Variants in CYTH3 observed in about 807,000 individuals in gnomAD.
CYTH3 encodes the protein cytohesin-3.
In CYTH3, 23 loss-of-function variants were observed where a neutral mutation model predicts 55.1. The ratio of observed to expected loss-of-function variants is 0.42; its 90% CI spans 0.30 to 0.59. The LOEUF is 0.59. CYTH3 is among the 20% of genes least tolerant of loss of function. The pLI, the probability that CYTH3 is intolerant of heterozygous loss-of-function variation, is 0.20. For missense variants in CYTH3, 413 were observed against 524.8 expected, an observed-to-expected ratio of 0.79 and a Z score of 2.08; for synonymous variants, 249 against 194.9, an observed-to-expected ratio of 1.28 and a Z score of -2.31.
intron 1 of CYTH3, among the ~76,000 whole-genome samples, chr7:6,257,063 C>T (rs1780147233): frequency 6.6e-6 from 1 of 152,182 alleles, no homozygotes; most frequent in African/African-American, 2.4e-5. Flanking sequence ...CCTGTGATTC[C>T]CGAGAAAACG....
intron 4 of CYTH3, among the ~76,000 whole-genome samples, 164 bp from the exon 5 acceptor site, chr7:6,178,105 T>C (rs1783393978): frequency 6.6e-6 from 1 of 152,210 alleles, no homozygotes; most frequent in African/African-American, 2.4e-5. Flanking sequence ...AAATCCATAC[T>C]ACATTTTATC....
chr7:6,225,949 G>A (rs973190786), intron 1 of CYTH3, among the ~76,000 whole-genome samples: 17 of 152,108 alleles, frequency 1.1e-4, no homozygotes, highest in African/African-American at 4.1e-4. Context: ...GCCTTCCAAA[G>A]TGCTGGGATT....
At chr7:6,214,444 A>G (rs1784385422) in intron 1 of CYTH3, among the ~76,000 whole-genome samples, 2 of 152,220 alleles carry the variant, frequency 1.3e-5, no homozygotes, top group South Asian at 4.1e-4. Flanking sequence ...AAAAATTACT[A>G]CTTTTATTTT....
intron 1 of CYTH3, among the ~76,000 whole-genome samples, chr7:6,259,981 C>A (rs1780309704): frequency 6.8e-6 from 1 of 147,926 alleles, no homozygotes; most frequent in Non-Finnish European, 1.5e-5. Flanking sequence ...CAGGCATGCA[C>A]CACCACACCA....
At chr7:6,253,547 G>A (rs1477406861) in intron 1 of CYTH3, among the ~76,000 whole-genome samples, 2 of 152,068 alleles carry the variant, frequency 1.3e-5, no homozygotes, top group Non-Finnish European at 2.9e-5. Context: ...GCCGGGCACG[G>A]TGGCTCACGC....
chr7:6,258,219 G>C (rs1413236501), intron 1 of CYTH3, among the ~76,000 whole-genome samples: 6 of 151,758 alleles, frequency 4.0e-5, no homozygotes, highest in African/African-American at 1.2e-4. Context: ...AGGCTGAGGT[G>C]GGGGGATCAC....
chr7:6,193,575 G>C (rs1408452649), intron 1 of CYTH3, among the ~76,000 whole-genome samples: 2 of 152,188 alleles, frequency 1.3e-5, no homozygotes, highest in African/African-American at 2.4e-5. Flanking sequence ...CCACAGTGGC[G>C]TAGACCAAGT....
intron 1 of CYTH3, among the ~76,000 whole-genome samples, chr7:6,192,374 T>C (rs1562889140): frequency 2.0e-5 from 3 of 150,780 alleles, no homozygotes; most frequent in Non-Finnish European, 4.4e-5. Flanking sequence ...TGCGCCACCA[T>C]GTCTGGCTAA....
Position 6,247,071 on chromosome 7 carries a change from A to AT in CYTH3, c.34+25402dup, listed in dbSNP as rs760596861. Among the ~76,000 whole-genome samples, 17 of 152,372 alleles carry AT rather than the reference A, an allele frequency of 1.1e-4. No homozygotes were observed. The East Asian group carries it at 3.3e-3, about 29-fold the overall frequency. ...ACAGTAAGGAAAGGTACTGGCTCAC[A>AT]TAACTCCTAAGTCCAAAGGCAGGGT... On this transcript the variant is annotated intron_variant, in intron 1 of 12. Transcript: ENST00000350796.
At chr7:6,179,161 A>C (rs957470117) in intron 4 of CYTH3, among the ~76,000 whole-genome samples, 1 of 152,356 alleles carries the variant, frequency 6.6e-6, no homozygotes. Context: ...CGATCAGTAC[A>C]TTCTGGCATA....
chr7:6,226,039 C>A (rs1008141205), intron 1 of CYTH3, among the ~76,000 whole-genome samples: 3 of 152,176 alleles, frequency 2.0e-5, no homozygotes, highest in African/African-American at 7.2e-5. Context: ...CAAAGAGAAC[C>A]CAATGTGAAA....
intron 1 of CYTH3, among the ~76,000 whole-genome samples, chr7:6,236,778 G>C (rs1779535309): frequency 6.6e-6 from 1 of 151,892 alleles, no homozygotes; most frequent in Admixed American, 6.6e-5. Flanking sequence ...GGCTAGGCTG[G>C]TCTTGAACTC....
At chr7:6,166,755 C>T (rs1271558751) in intron 9 of CYTH3, among the ~76,000 whole-genome samples, 1 of 152,100 alleles carries the variant, frequency 6.6e-6, no homozygotes, top group African/African-American at 2.4e-5. Context: ...CTCTGCAGTC[C>T]CTCTGGGACC....
At chr7:6,178,365 G>C (rs1033160307) in intron 4 of CYTH3, among the ~76,000 whole-genome samples, 1 of 152,232 alleles carries the variant, frequency 6.6e-6, no homozygotes, top group Non-Finnish European at 1.5e-5. Flanking sequence ...GGGTGGTGCT[G>C]GTCCCCGCTC....
intron 9 of CYTH3, among the ~76,000 whole-genome samples, chr7:6,168,806 T>C (rs982680019): frequency 6.6e-5 from 10 of 152,230 alleles, no homozygotes; most frequent in African/African-American, 2.4e-4. Context: ...CTTTCCCTGG[T>C]GGCAGGGGTC....
At position 6,187,114 on chromosome 7, in the gene CYTH3, T is replaced by A. The variant is rs761618708; in HGVS notation, c.185A>T (p.Lys62Ile). 1 of 1,614,100 alleles carries A rather than the reference T, an allele frequency of 6.2e-7. No homozygotes were observed. The highest frequency in any genetic ancestry group is 8.5e-7 in the Non-Finnish European group (1 of 1,179,938). The part of the protein sequence containing the change: ...IDNLTSVEES[K>I]TTQRNKQIAM... ...TATCTGTTTGTTCCTCTGAGTCGTTTTGCTATTGGTGTGAAATAATTTAAA... is the reference window on the plus strand; with the variant it reads ...TATCTGTTTGTTCCTCTGAGTCGTTATGCTATTGGTGTGAAATAATTTAAA... Residue 62 changes from lysine to isoleucine, a missense_variant and splice_region_variant, in exon 4 of 13, where the codon AAA (lysine) becomes ATA (isoleucine). Coordinates refer to ENST00000350796, the MANE Select transcript of CYTH3 (RefSeq NM_004227.4).
At chr7:6,229,607 C>G (rs1779335313) in intron 1 of CYTH3, among the ~76,000 whole-genome samples, 1 of 143,850 alleles carries the variant, frequency 7.0e-6, no homozygotes, top group Non-Finnish European at 1.5e-5. Context: ...GTCAGGAGCT[C>G]AAGACCAGCC....
At chr7:6,185,151 A>G (rs374963908) in intron 4 of CYTH3, among the ~76,000 whole-genome samples, 2 of 152,170 alleles carry the variant, frequency 1.3e-5, no homozygotes, top group East Asian at 1.9e-4. Context: ...CACAAAATTG[A>G]CAATTTTCAT....
intron 4 of CYTH3, among the ~76,000 whole-genome samples, chr7:6,186,531 A>C (rs1783655389): frequency 1.3e-5 from 2 of 152,058 alleles, no homozygotes; most frequent in African/African-American, 4.8e-5. Flanking sequence ...ATGCTGGCTT[A>C]AATGTGGAGG....
Sources: gnomAD v4.1 joint callset for allele counts (sites outside exome capture counted in the v4.1 genomes callset) on GRCh38, gnomAD v4.1.1 for gene constraint, MANE v1.5 for transcripts, NCBI Gene and HGNC (gene_info 2026-07-23, HGNC 2026-07-21) for gene names.